FBXL17: variants seen among roughly 807,000 people sequenced by gnomAD.
FBXL17 encodes the protein F-box and leucine rich repeat protein 17.
In FBXL17, 22 loss-of-function variants were observed where a neutral mutation model predicts 66.2. The observed-to-expected ratio is 0.33, with a 90% confidence interval of 0.24 to 0.47. The LOEUF is 0.47. FBXL17 is among the 20% of genes least tolerant of loss of function. FBXL17 has a pLI of 1.00. For synonymous variants in FBXL17, 474 were observed against 400.5 expected (o/e 1.18, Z -2.19); for missense variants, 878 against 948.2 (o/e 0.93, Z 0.97).
At chr5:108,116,641 C>T (rs960177461) in intron 6 of FBXL17, among the ~76,000 whole-genome samples, 14 of 151,508 alleles carry the variant, frequency 9.2e-5, no homozygotes, top group East Asian at 7.7e-4. Context: ...AACAAGACTC[C>T]GTCTCAAAAA....
intron 6 of FBXL17, among the ~76,000 whole-genome samples, chr5:108,107,577 C>T (rs1370296605): frequency 1.3e-5 from 2 of 151,946 alleles, no homozygotes; most frequent in Non-Finnish European, 2.9e-5. Context: ...CTTTGGGAGG[C>T]CAAGGCGGGC....
intron 6 of FBXL17, among the ~76,000 whole-genome samples, chr5:108,060,300 T>C (rs550180404): frequency 1.3e-4 from 20 of 152,260 alleles, no homozygotes; most frequent in East Asian, 9.6e-4. Flanking sequence ...TAAGTAATTA[T>C]ATTATTTAAG....
intron 6 of FBXL17, among the ~76,000 whole-genome samples, chr5:108,161,649 G>A (rs1366349146): frequency 6.6e-6 from 1 of 152,150 alleles, no homozygotes; most frequent in Admixed American, 6.5e-5. Flanking sequence ...GAATCAACTC[G>A]GGGTCCAGGA....
chr5:107,864,024 T>C (rs573251540), intron 8 of FBXL17, among the ~76,000 whole-genome samples: 75 of 152,396 alleles, frequency 4.9e-4, no homozygotes, highest in African/African-American at 1.8e-3. Context: ...ATCTTTGGGC[T>C]GTTCAAAATA....
At chr5:108,238,833 C>T (rs1755724112) in intron 4 of FBXL17, among the ~76,000 whole-genome samples, 1 of 151,994 alleles carries the variant, frequency 6.6e-6, no homozygotes. Flanking sequence ...TTTATATATG[C>T]CATAATTCCA....
chr5:108,351,177 A>G (rs1350992393), intron 3 of FBXL17, among the ~76,000 whole-genome samples: 1 of 152,090 alleles, frequency 6.6e-6, no homozygotes, highest in Non-Finnish European at 1.5e-5. Context: ...TGCTTTAGAG[A>G]AAAAAGATAG....
chr5:108,253,007 A>C (rs1756422897), intron 4 of FBXL17, among the ~76,000 whole-genome samples: 1 of 152,204 alleles, frequency 6.6e-6, no homozygotes, highest in Non-Finnish European at 1.5e-5. Flanking sequence ...TTCTGTATCA[A>C]TGATCTGAGA....
At chr5:108,064,042 A>C (rs1054804018) in intron 6 of FBXL17, among the ~76,000 whole-genome samples, 1 of 152,092 alleles carries the variant, frequency 6.6e-6, no homozygotes, top group Non-Finnish European at 1.5e-5. Flanking sequence ...GTATGTTTGC[A>C]TGTGTTATAT....
intron 4 of FBXL17, chr5:108,298,391 AAAG>A (rs1007135274): frequency 2.0e-6 from 2 of 980,908 alleles, no homozygotes; most frequent in African/African-American, 1.7e-5. Flanking sequence ...TCCACCAGTC[AAAG>A]AAGATCAATA....
At chr5:108,142,122 A>G (rs34405011) in intron 6 of FBXL17, among the ~76,000 whole-genome samples, 46,298 of 152,166 alleles carry the variant, frequency 0.3, 8,288 homozygotes, top group Admixed American at 0.41. Context: ...AGATAAGCAT[A>G]TATAAACAAA....
intron 6 of FBXL17, among the ~76,000 whole-genome samples, chr5:108,169,378 T>A (rs1251733334): frequency 6.6e-6 from 1 of 152,214 alleles, no homozygotes; most frequent in Non-Finnish European, 1.5e-5. Flanking sequence ...TCCATAAATG[T>A]CTATACATCT....
At chr5:107,919,555 ACT>A (rs531571685) in intron 7 of FBXL17, among the ~76,000 whole-genome samples, 18 of 151,550 alleles carry the variant, frequency 1.2e-4, no homozygotes, top group Admixed American at 3.9e-4. Flanking sequence ...CCAGATCTCA[ACT>A]CTACTGCTCT....
intron 6 of FBXL17, among the ~76,000 whole-genome samples, chr5:108,132,173 T>C (rs942007029): frequency 5.3e-5 from 8 of 152,056 alleles, no homozygotes; most frequent in African/African-American, 1.9e-4. Flanking sequence ...ACGGGGTTTC[T>C]CCATGTTGGT....
intron 8 of FBXL17, among the ~76,000 whole-genome samples, chr5:107,868,012 T>C (rs1445458672): frequency 6.6e-6 from 1 of 152,224 alleles, no homozygotes; most frequent in Non-Finnish European, 1.5e-5. Context: ...AAAATAAAAG[T>C]ATGTCTCTGT....
At chr5:107,885,084 T>C (rs1345970244) in intron 7 of FBXL17, among the ~76,000 whole-genome samples, 1 of 152,190 alleles carries the variant, frequency 6.6e-6, no homozygotes, top group Non-Finnish European at 1.5e-5. Context: ...ATGTAATGTA[T>C]CATTACTACC....
chr5:108,134,912 G>T (rs1197249834), intron 6 of FBXL17, among the ~76,000 whole-genome samples: 1 of 151,948 alleles, frequency 6.6e-6, no homozygotes, highest in Non-Finnish European at 1.5e-5. Context: ...AGCTGCTATG[G>T]AATTTGTAGT....
intron 5 of FBXL17, among the ~76,000 whole-genome samples, chr5:108,217,582 A>G (rs1754661947): frequency 2.0e-5 from 3 of 152,162 alleles, no homozygotes; most frequent in Admixed American, 2.0e-4. Flanking sequence ...GTGGTCGACC[A>G]CTTAAAATTT....
chr5:107,972,519 A>G (rs1334833799), intron 7 of FBXL17, among the ~76,000 whole-genome samples: 1 of 152,200 alleles, frequency 6.6e-6, no homozygotes, highest in African/African-American at 2.4e-5. Context: ...TTTTATAATC[A>G]AGAAGTTTCT....
chr5:107,952,302 A>G (rs10070756), intron 7 of FBXL17, among the ~76,000 whole-genome samples: 81,436 of 151,966 alleles, frequency 0.54, 22,173 homozygotes, highest in East Asian at 0.62. Context: ...TTTTTGTATC[A>G]CTAATAGTCT....
Sources: gnomAD v4.1 joint callset for allele counts (sites outside exome capture counted in the v4.1 genomes callset) on GRCh38, gnomAD v4.1.1 for gene constraint, MANE v1.5 for transcripts, NCBI Gene and HGNC (gene_info 2026-07-23, HGNC 2026-07-21) for gene names.